The following RPRD1A variants were observed in gnomAD, a reference collection of about 807,000 sequenced individuals.
RPRD1A encodes the protein regulation of nuclear pre-mRNA domain containing 1A.
Under a neutral mutation model 37.8 loss-of-function variants are expected in RPRD1A, and 9 were observed. That is an observed-to-expected ratio of 0.24 (90% CI 0.14 to 0.42). The LOEUF (loss-of-function observed/expected upper bound fraction) is 0.42, where lower values mean the gene tolerates loss of function less well. Among genes scored for constraint, RPRD1A ranks in the 10% least tolerant of loss-of-function variants. The pLI, the probability that RPRD1A is intolerant of heterozygous loss-of-function variation, is 1.00. For synonymous variants in RPRD1A, 138 were observed against 139.7 expected, an observed-to-expected ratio of 0.99 and a Z score of 0.08; for missense variants, 255 against 371.0, an observed-to-expected ratio of 0.69 and a Z score of 2.57.
At chr18:36,031,247 A>G (rs1383446174) in intron 2 of RPRD1A, 150 bp from the exon 3 acceptor site, 1 of 996,214 alleles carries the variant, frequency 1.0e-6, no homozygotes, top group East Asian at 2.8e-5. Flanking sequence ...CTATGTGGCC[A>G]GCAGCTCAAA....
At chr18:36,051,330 G>A (rs1319160804) in intron 1 of RPRD1A, among the ~76,000 whole-genome samples, 2 of 152,132 alleles carry the variant, frequency 1.3e-5, no homozygotes, top group Admixed American at 6.5e-5. Flanking sequence ...ACAGGGGTCT[G>A]TTGACCATAT....
chr18:36,036,439 T>C (rs1359436161), intron 1 of RPRD1A, among the ~76,000 whole-genome samples: 1 of 152,148 alleles, frequency 6.6e-6, no homozygotes, highest in African/African-American at 2.4e-5. Flanking sequence ...GCTTTTACAA[T>C]ATACACTAAA....
intron 6 of RPRD1A, chr18:36,026,454 G>A (rs1911376411): frequency 6.5e-6 from 1 of 154,744 alleles, no homozygotes; most frequent in African/African-American, 2.4e-5. Flanking sequence ...CCGGGAGTGG[G>A]GCTGGAACAT....
intron 6 of RPRD1A, among the ~76,000 whole-genome samples, chr18:36,001,342 G>C (rs1200541447): frequency 6.6e-6 from 1 of 152,144 alleles, no homozygotes; most frequent in African/African-American, 2.4e-5. Flanking sequence ...CAAGCAGAGA[G>C]AAGGAATTTA....
At chr18:36,008,587 A>ATATATATATATATATATATATC (rs1234904779) in intron 6 of RPRD1A, among the ~76,000 whole-genome samples, 2 of 119,596 alleles carry the variant, frequency 1.7e-5, no homozygotes, top group African/African-American at 7.3e-5. Flanking sequence ...GTATATATAT[A>ATATATATATATATATATATATC]TATCTTTAAA....
Position 36,033,654 on chromosome 18 carries a change from G to T in RPRD1A, c.281+54C>A, listed in dbSNP as rs1414450311. On this transcript the variant is annotated intron_variant, in intron 2 of 6. Coordinates refer to ENST00000399022, the MANE Select transcript of RPRD1A (RefSeq NM_018170.5). ...TAGTTTAAGGCAAATTTTAGCAAAA[G>T]GACATATGGTACATTTAAAACAGAT... is the stretch of plus-strand genomic sequence containing the variant. The T allele has an allele frequency of 4.1e-6, 6 of 1,464,562 alleles. No individual in the cohort carries two copies. In the African/African-American group the frequency reaches 5.6e-5, roughly 14 times the overall value. 90.7% of individuals were successfully genotyped at this position (1,464,562 alleles called of 1,614,324 possible).
intron 1 of RPRD1A, among the ~76,000 whole-genome samples, chr18:36,049,472 A>G (rs62101402): frequency 0.27 from 41,647 of 152,008 alleles, 6,158 homozygotes; most frequent in African/African-American, 0.4. Flanking sequence ...GTCTTGCTGC[A>G]TAAGGAAGAA....
intron 1 of RPRD1A, among the ~76,000 whole-genome samples, chr18:36,046,657 C>A (rs1389816155): frequency 2.0e-5 from 3 of 151,576 alleles, no homozygotes; most frequent in Non-Finnish European, 2.9e-5. Flanking sequence ...CATGGTGAAA[C>A]CCCGTCTTCA....
intron 6 of RPRD1A, among the ~76,000 whole-genome samples, chr18:36,013,873 A>G (rs1910327879): frequency 6.6e-6 from 1 of 152,198 alleles, no homozygotes; most frequent in African/African-American, 2.4e-5. Context: ...AAACACCAAC[A>G]AAATGATCTA....
chr18:36,018,557 G>A (rs1237462230), intron 6 of RPRD1A, among the ~76,000 whole-genome samples: 2 of 152,170 alleles, frequency 1.3e-5, no homozygotes, highest in Admixed American at 1.3e-4. Context: ...ACAGGCGTGA[G>A]CCACCGCTCC....
At chr18:36,023,004 C>T (rs888741411) in intron 6 of RPRD1A, among the ~76,000 whole-genome samples, 2 of 152,168 alleles carry the variant, frequency 1.3e-5, no homozygotes, top group Non-Finnish European at 2.9e-5. Context: ...CATACCTGGT[C>T]ACCCAAGAGC....
At chr18:36,014,021 T>C (rs1910340714) in intron 6 of RPRD1A, among the ~76,000 whole-genome samples, 1 of 152,232 alleles carries the variant, frequency 6.6e-6, no homozygotes, top group South Asian at 2.1e-4. Context: ...TGATTTTTGG[T>C]ACTCCACATT....
chr18:36,065,454 G>GT (rs887464484), intron 1 of RPRD1A, among the ~76,000 whole-genome samples: 1 of 152,092 alleles, frequency 6.6e-6, no homozygotes, highest in Non-Finnish European at 1.5e-5. Context: ...TAATGGAATG[G>GT]TTTTTTTGTT....
intron 1 of RPRD1A, chr18:36,062,883 CAT>C (rs2088944639): frequency 6.6e-6 from 1 of 152,120 alleles, no homozygotes; most frequent in Non-Finnish European, 1.5e-5. Context: ...ATTCTATAAA[CAT>C]ATCAAAAACC....
At position 36,008,568 on chromosome 18, in the gene RPRD1A, CTTGTGTGTGT is replaced by C. The variant is rs1201712831; in HGVS notation, c.790-15278_790-15269del. Reference sequence around the variant, plus strand: ...TCTAGCCTGGGCGACACAGCAAGACCTTGTGTGTGTATATATATATATCTTTAAAAATCTC... The same window carrying C: ...TCTAGCCTGGGCGACACAGCAAGACCATATATATATATCTTTAAAAATCTC... On this transcript the variant is annotated intron_variant, in intron 6 of 6. Coordinates refer to ENST00000399022, the MANE Select transcript of RPRD1A (RefSeq NM_018170.5). 5.4e-3 allele frequency among the ~76,000 whole-genome samples: 66 copies of C among 12,132 alleles called. 1 individual carries two copies. Among genetic ancestry groups the C allele is most frequent in the Middle Eastern group, 0.028 (1 of 36 alleles). 8.0% of individuals were successfully genotyped at this position (12,132 alleles called of 152,430 possible).
chr18:35,993,391 C>T, intron 6 of RPRD1A, 91 bp from the exon 7 acceptor site: 9 of 1,251,068 alleles, frequency 7.2e-6, no homozygotes, highest in Non-Finnish European at 7.8e-6. Context: ...ACTATATATA[C>T]TCAGTTAATG....
rs564324705 is a variant in RPRD1A at position 36,048,097 on chromosome 18, G to A, written c.152-14260C>T. Among the ~76,000 whole-genome samples, 37 of 114,746 alleles carry A rather than the reference G, an allele frequency of 3.2e-4. No individual in the cohort carries two copies. In the East Asian group the frequency reaches 3.7e-3, roughly 12 times the overall value. 75.3% of individuals were successfully genotyped at this position (114,746 alleles called of 152,430 possible). Reference sequence around the variant, plus strand: ...TTTTTTTTTTTTTTGAGACAGTTTCGCTCTTGTTGCCCAAGCTGGAGTGCA... The same window carrying A: ...TTTTTTTTTTTTTTGAGACAGTTTCACTCTTGTTGCCCAAGCTGGAGTGCA... On this transcript the variant is annotated intron_variant, in intron 1 of 6. Transcript: ENST00000399022.
At chr18:36,014,712 C>T (rs1013467719) in intron 6 of RPRD1A, among the ~76,000 whole-genome samples, 8 of 152,240 alleles carry the variant, frequency 5.3e-5, no homozygotes, top group Middle Eastern at 3.4e-3. Context: ...CACGGCACTC[C>T]AGCCTGGGCA....
intron 1 of RPRD1A, among the ~76,000 whole-genome samples, chr18:36,052,684 C>A (rs934477485): frequency 6.6e-6 from 1 of 152,132 alleles, no homozygotes; most frequent in Non-Finnish European, 1.5e-5. Flanking sequence ...CTGCAACCTC[C>A]ACCTCCCGAG....
Sources: allele counts gnomAD v4.1 joint callset (sites outside exome capture counted in the v4.1 genomes callset), GRCh38; gene constraint gnomAD v4.1.1; transcripts MANE v1.5; gene names NCBI Gene and HGNC (gene_info 2026-07-23, HGNC 2026-07-21).